The following RBFOX1 variants were observed in gnomAD, a reference collection of about 807,000 sequenced individuals.
The protein encoded by RBFOX1 is RNA binding fox-1 homolog 1.
Under a neutral mutation model 57.7 loss-of-function variants are expected in RBFOX1, and 8 were observed. The ratio of observed to expected loss-of-function variants is 0.14; its 90% CI spans 0.08 to 0.25. The LOEUF (loss-of-function observed/expected upper bound fraction) is 0.25, where lower values mean the gene tolerates loss of function less well. RBFOX1 is among the 10% of genes least tolerant of loss of function. The pLI is 1.00. For synonymous variants in RBFOX1, 326 were observed against 222.4 expected (o/e 1.47, Z -4.15); for missense variants, 611 against 548.5 (o/e 1.11, Z -1.14).
At chr16:5,554,661 G>A (rs2151091092) in intron 2 of RBFOX1, among the ~76,000 whole-genome samples, 1 of 152,196 alleles carries the variant, frequency 6.6e-6, no homozygotes, top group African/African-American at 2.4e-5. Context: ...ACAAATTTAA[G>A]ACAAATGAAT....
intron 2 of RBFOX1, among the ~76,000 whole-genome samples, chr16:5,475,784 C>T (rs1208852000): frequency 6.6e-6 from 1 of 152,174 alleles, no homozygotes; most frequent in African/African-American, 2.4e-5. Flanking sequence ...AGTGCCTGGA[C>T]CTGGCTCTAG....
At chr16:6,307,100 G>T (rs2079600099) in intron 1 of RBFOX1, among the ~76,000 whole-genome samples, 1 of 152,172 alleles carries the variant, frequency 6.6e-6, no homozygotes, top group Non-Finnish European at 1.5e-5. Flanking sequence ...TTGCATTCTG[G>T]CTTTGCTGTT....
intron 3 of RBFOX1, among the ~76,000 whole-genome samples, chr16:6,660,511 G>C (rs2098694547): frequency 6.6e-6 from 1 of 152,288 alleles, no homozygotes; most frequent in East Asian, 1.9e-4. Flanking sequence ...TGAGCTCAGA[G>C]ATTCTTACTC....
intron 4 of RBFOX1, among the ~76,000 whole-genome samples, chr16:7,273,193 C>CCTTCCTCCCTTT (rs2095366159): frequency 2.3e-5 from 2 of 88,578 alleles, no homozygotes; most frequent in African/African-American, 1.3e-4. Context: ...TTCCTCCCTT[C>CCTTCCTCCCTTT]CTTCCTCCCT....
At chr16:5,858,152 G>C (rs1362492948) in intron 3 of RBFOX1, among the ~76,000 whole-genome samples, 2 of 151,924 alleles carry the variant, frequency 1.3e-5, no homozygotes, top group South Asian at 2.1e-4. Flanking sequence ...TCCTAACCTT[G>C]CACCTAGCCG....
chr16:6,388,854 A>T (rs1164010800), intron 2 of RBFOX1, among the ~76,000 whole-genome samples: 2 of 152,216 alleles, frequency 1.3e-5, no homozygotes, highest in East Asian at 3.8e-4. Flanking sequence ...ACACCATCTC[A>T]GTAATATGTG....
At chr16:6,652,305 G>C (rs903835188) in intron 2 of RBFOX1, among the ~76,000 whole-genome samples, 2 of 152,094 alleles carry the variant, frequency 1.3e-5, no homozygotes. Context: ...AAAATTAGTT[G>C]GGGGTTGTGG....
At chr16:7,403,861 T>C (rs2098286710) in intron 4 of RBFOX1, among the ~76,000 whole-genome samples, 1 of 151,448 alleles carries the variant, frequency 6.6e-6, no homozygotes, top group Non-Finnish European at 1.5e-5. Flanking sequence ...GTTTTCTTAA[T>C]AGATGAATAA....
At chr16:5,793,460 T>C (rs1379178238) in intron 3 of RBFOX1, among the ~76,000 whole-genome samples, 1 of 152,260 alleles carries the variant, frequency 6.6e-6, no homozygotes, top group Non-Finnish European at 1.5e-5. Flanking sequence ...ACCGGCTTCA[T>C]GCCGCTAAGA....
intron 3 of RBFOX1, among the ~76,000 whole-genome samples, chr16:6,858,856 C>G (rs1004228031): frequency 6.6e-6 from 1 of 151,850 alleles, no homozygotes; most frequent in African/African-American, 2.4e-5. Context: ...ATGCAAAACT[C>G]AGACTCGTAG....
At position 7,516,852 on chromosome 16, in the gene RBFOX1, T is replaced by C. The variant is rs151303788; in HGVS notation, c.28-1295T>C. 2.0e-5 allele frequency among the ~76,000 whole-genome samples: 3 copies of C among 152,276 alleles called. No homozygotes were observed. The East Asian group carries it at 5.8e-4, about 29-fold the overall frequency. The stretch of plus-strand genomic sequence containing the variant: ...GAACAAACTTTTTTTTTTTCCTCTC[T>C]TCTTTCTGTCATCATGTTTTTGCTG... On this transcript the variant is annotated intron_variant, in intron 4 of 15. Transcript: ENST00000550418.
intron 3 of RBFOX1, among the ~76,000 whole-genome samples, chr16:6,773,176 G>GCA (rs2078678488): frequency 1.0e-5 from 1 of 99,008 alleles, no homozygotes; most frequent in African/African-American, 4.7e-5. Flanking sequence ...GCATTTGTGT[G>GCA]TGTGTGTGTG....
At position 5,856,330 on chromosome 16, in the gene RBFOX1, TTATATTA is replaced by T. The variant is rs1161076507; in HGVS notation, c.319-10967_319-10961del. Among the ~76,000 whole-genome samples, 11 of 29,458 alleles carry T rather than the reference TTATATTA, an allele frequency of 3.7e-4. No individual in the cohort carries two copies. The East Asian group carries it at 4.5e-3, about 12-fold the overall frequency. 19.3% of individuals were successfully genotyped at this position (29,458 alleles called of 152,430 possible). Reference sequence around the variant, plus strand: ...ACACACATATATATAGGGAAAACTGTTATATTATATATATATATATATAATGTTATGA... The same window carrying T: ...ACACACATATATATAGGGAAAACTGTTATATATATATATATAATGTTATGA... On this transcript the variant is annotated intron_variant, in intron 3 of 19. Coordinates refer to the RBFOX1 transcript ENST00000641259.
At chr16:6,842,684 G>A (rs1253597425) in intron 3 of RBFOX1, among the ~76,000 whole-genome samples, 3 of 143,246 alleles carry the variant, frequency 2.1e-5, no homozygotes, top group African/African-American at 7.9e-5. Flanking sequence ...TTCAAGTTCT[G>A]GGATACATGT....
intron 4 of RBFOX1, among the ~76,000 whole-genome samples, chr16:7,072,458 T>G (rs2057521047): frequency 6.6e-6 from 1 of 152,234 alleles, no homozygotes; most frequent in Non-Finnish European, 1.5e-5. Context: ...ATGCTTATTT[T>G]GTTCTTAACT....
At chr16:6,319,252 A>G (rs1443290936) in intron 2 of RBFOX1, among the ~76,000 whole-genome samples, 4 of 152,278 alleles carry the variant, frequency 2.6e-5, no homozygotes, top group Admixed American at 6.5e-5. Flanking sequence ...TGATATGTCC[A>G]TTGGCTTCAG....
At chr16:6,227,576 G>T (rs879269328) in intron 1 of RBFOX1, among the ~76,000 whole-genome samples, 31 of 151,676 alleles carry the variant, frequency 2.0e-4, no homozygotes, top group African/African-American at 7.1e-4. Context: ...CCAGCCACAC[G>T]CCCTTCTCCT....
chr16:6,272,724 G>A (rs538642522), intron 1 of RBFOX1, among the ~76,000 whole-genome samples: 4 of 152,322 alleles, frequency 2.6e-5, no homozygotes, highest in Admixed American at 6.5e-5. Flanking sequence ...GGCAATGGCA[G>A]ATGGATAGAC....
At chr16:7,119,422 A>C (rs2066620192) in intron 4 of RBFOX1, among the ~76,000 whole-genome samples, 1 of 152,138 alleles carries the variant, frequency 6.6e-6, no homozygotes, top group Non-Finnish European at 1.5e-5. Context: ...AGGAAACTCA[A>C]ATTACTTTGG....
Sources: allele counts gnomAD v4.1 joint callset (sites outside exome capture counted in the v4.1 genomes callset), GRCh38; gene constraint gnomAD v4.1.1; transcripts MANE v1.5; gene names NCBI Gene and HGNC (gene_info 2026-07-23, HGNC 2026-07-21).